Variants in SPMIP6 observed in about 807,000 individuals in gnomAD.
SPMIP6 encodes ciliated bronchial epithelial protein 1.
the SPMIP6 span, chr9:34,380,924 G>A: frequency 6.3e-7 from 1 of 1,595,504 alleles, no homozygotes; most frequent in South Asian, 1.1e-5. Flanking sequence ...CCGGCACCAA[G>A]GCCGCAGGCG....
At chr9:34,386,502 G>C in the SPMIP6 span, among the ~76,000 whole-genome samples, 1 of 151,610 alleles carries the variant, frequency 6.6e-6, no homozygotes, top group Non-Finnish European at 1.5e-5. Flanking sequence ...GCTGAGGCAG[G>C]AGAATCAACC....
At chr9:34,392,479 A>G in the SPMIP6 span, among the ~76,000 whole-genome samples, 1 of 105,022 alleles carries the variant, frequency 9.5e-6, no homozygotes, top group Non-Finnish European at 2.1e-5. The surrounding 1 kb of genome is among the most constrained non-coding windows in gnomAD (Gnocchi z 4.6). Context: ...GTGTGTGTTT[A>G]ATCTGAAAAT....
the SPMIP6 span, among the ~76,000 whole-genome samples, chr9:34,386,456 T>C: frequency 6.6e-6 from 1 of 151,940 alleles, no homozygotes; most frequent in African/African-American, 2.4e-5. Context: ...TAGCTGGGCA[T>C]GGTGGCGAGC....
At chr9:34,397,348 C>T in the SPMIP6 span, 3 of 807,396 alleles carry the variant, frequency 3.7e-6, no homozygotes, top group Admixed American at 2.2e-5. Flanking sequence ...GGATTTTGTG[C>T]TGTTTTACAT....
At chr9:34,387,664 ATCG>A in the SPMIP6 span, among the ~76,000 whole-genome samples, 2 of 152,198 alleles carry the variant, frequency 1.3e-5, no homozygotes, top group African/African-American at 4.8e-5. Flanking sequence ...ATTCATAGAC[ATCG>A]TCAATTTTTC....
chr9:34,386,370 C>T, the SPMIP6 span, among the ~76,000 whole-genome samples: 3 of 152,056 alleles, frequency 2.0e-5, no homozygotes, highest in Non-Finnish European at 2.9e-5. Context: ...CCGAGGCAGG[C>T]GGATCACGAG....
the SPMIP6 span, chr9:34,380,853 T>G: frequency 6.5e-7 from 1 of 1,527,226 alleles, no homozygotes; most frequent in East Asian, 2.4e-5. Context: ...GGGCGGGGCT[T>G]GTGTGGGGTG....
the SPMIP6 span, among the ~76,000 whole-genome samples, chr9:34,379,488 C>T: frequency 7.6e-4 from 116 of 152,328 alleles, no homozygotes; most frequent in African/African-American, 2.7e-3. This position sits in a 1 kb window ranked among gnomAD's most constrained non-coding sequence, Gnocchi z 4.2. Context: ...GTCCTTACCA[C>T]CTTTGACTGC....
chr9:34,394,128 T>C, the SPMIP6 span, among the ~76,000 whole-genome samples: 1 of 152,150 alleles, frequency 6.6e-6, no homozygotes, highest in African/African-American at 2.4e-5. Context: ...CCTGGCCAGA[T>C]TTCACATTTT....
chr9:34,381,909 G>A, the SPMIP6 span, among the ~76,000 whole-genome samples: 1 of 152,164 alleles, frequency 6.6e-6, no homozygotes, highest in South Asian at 2.1e-4. The surrounding 1 kb of genome is among the most constrained non-coding windows in gnomAD (Gnocchi z 4.4). Flanking sequence ...CTGGTTTTGG[G>A]TCCTCTCAGG....
At chr9:34,385,879 C>T in the SPMIP6 span, 4 of 1,312,786 alleles carry the variant, frequency 3.0e-6, no homozygotes, top group South Asian at 1.4e-5. Context: ...GAAGGTCAGC[C>T]CAGGTGGGTC....
the SPMIP6 span, chr9:34,379,227 A>T: frequency 8.8e-7 from 1 of 1,136,636 alleles, no homozygotes; most frequent in Non-Finnish European, 1.3e-6. The surrounding 1 kb of genome is among the most constrained non-coding windows in gnomAD (Gnocchi z 4.2). Context: ...CATATGTCAA[A>T]GTGAATATCT....
At chr9:34,397,682 T>G in the SPMIP6 span, 1 of 1,531,910 alleles carries the variant, frequency 6.5e-7, no homozygotes, top group Non-Finnish European at 8.8e-7. Flanking sequence ...CAAGGGCTCC[T>G]GCTGGACATC....
the SPMIP6 span, among the ~76,000 whole-genome samples, chr9:34,384,465 AAAC>A: frequency 6.6e-6 from 1 of 152,208 alleles, no homozygotes; most frequent in Non-Finnish European, 1.5e-5. Context: ...TTAACATACA[AAAC>A]AACATCAACA....
chr9:34,390,833 G>T, the SPMIP6 span, among the ~76,000 whole-genome samples: 2 of 151,910 alleles, frequency 1.3e-5, no homozygotes, highest in Non-Finnish European at 2.9e-5. Context: ...TGTTGCCCAG[G>T]CTGGTCTTGA....
chr9:34,382,902 T>C, the SPMIP6 span: 2 of 1,298,636 alleles, frequency 1.5e-6, no homozygotes, highest in Admixed American at 1.7e-5. Context: ...TCAAATAGTG[T>C]TACTTCTTAC....
the SPMIP6 span, among the ~76,000 whole-genome samples, chr9:34,383,098 C>T: frequency 6.6e-6 from 1 of 152,202 alleles, no homozygotes; most frequent in Non-Finnish European, 1.5e-5. Context: ...ATCCACTGTG[C>T]CAGCCACTTT....
the SPMIP6 span, chr9:34,381,331 C>T: frequency 6.2e-7 from 1 of 1,613,708 alleles, no homozygotes; most frequent in Non-Finnish European, 8.5e-7. This position sits in a 1 kb window ranked among gnomAD's most constrained non-coding sequence, Gnocchi z 4.4. Context: ...CCAACCCTCT[C>T]CACCCGTTCT....
At chr9:34,393,785 T>G in the SPMIP6 span, among the ~76,000 whole-genome samples, 1 of 152,198 alleles carries the variant, frequency 6.6e-6, no homozygotes, top group Non-Finnish European at 1.5e-5. Flanking sequence ...CTCTCTGTGC[T>G]GCGTTCTGGG....
Sources: allele counts gnomAD v4.1 joint callset (sites outside exome capture counted in the v4.1 genomes callset), GRCh38; gene constraint gnomAD v4.1.1; non-coding constraint Gnocchi (gnomAD v3.1); transcripts MANE v1.5; gene names NCBI Gene and HGNC (gene_info 2026-07-23, HGNC 2026-07-21).